ATXN1: variants seen among roughly 807,000 people sequenced by gnomAD.
ATXN1 encodes the protein ataxin-1.
In ATXN1, 8 loss-of-function variants were observed where a neutral mutation model predicts 56.4. The ratio of observed to expected loss-of-function variants is 0.14; its 90% CI spans 0.08 to 0.26. The LOEUF (loss-of-function observed/expected upper bound fraction) is 0.26. Among genes scored for constraint, ATXN1 ranks in the 10% least tolerant of loss-of-function variants. The pLI is 1.00. For synonymous variants in ATXN1, 514 were observed against 494.6 expected (o/e 1.04, Z -0.52); for missense variants, 987 against 1,106.5 (o/e 0.89, Z 1.53).
intron 2 of ATXN1, among the ~76,000 whole-genome samples, chr6:16,733,471 G>A (rs1255309360): frequency 2.0e-5 from 3 of 151,948 alleles, no homozygotes; most frequent in African/African-American, 7.2e-5. Context: ...GCTGAGGTAG[G>A]AGGATCACTT....
At chr6:16,414,920 A>T (rs1758871576) in intron 6 of ATXN1, among the ~76,000 whole-genome samples, 1 of 152,230 alleles carries the variant, frequency 6.6e-6, no homozygotes, top group Non-Finnish European at 1.5e-5. Context: ...TGTGTTCAGC[A>T]CAATGGACTA....
At position 16,496,283 on chromosome 6, in the gene ATXN1, T is replaced by C. The variant is rs549837884; in HGVS notation, c.-298-10174A>G. Among the ~76,000 whole-genome samples, 4 of 152,210 alleles carry C rather than the reference T, an allele frequency of 2.6e-5. No homozygotes were observed. In the South Asian group the frequency reaches 8.3e-4, roughly 31 times the overall value. On this transcript the variant is annotated intron_variant, in intron 5 of 7. Coordinates refer to ENST00000436367, the MANE Select transcript of ATXN1 (RefSeq NM_001128164.2). Reference sequence around the variant, plus strand: ...GGATTTCAATGGTCTTAACTGTGAATACCATGTAGCAGAAATGCCACTTGG... The same window carrying C: ...GGATTTCAATGGTCTTAACTGTGAACACCATGTAGCAGAAATGCCACTTGG...
intron 6 of ATXN1, among the ~76,000 whole-genome samples, chr6:16,352,874 G>C (rs964877053): frequency 6.6e-5 from 10 of 152,150 alleles, no homozygotes; most frequent in African/African-American, 1.9e-4. Context: ...GATTGTAACA[G>C]TATGCCAGCA....
chr6:16,484,945 A>T (rs1216118756), intron 6 of ATXN1, among the ~76,000 whole-genome samples: 2 of 118,382 alleles, frequency 1.7e-5, no homozygotes, highest in Admixed American at 1.9e-4. Flanking sequence ...ACCTAAATAT[A>T]TATGTGTGTG....
intron 6 of ATXN1, among the ~76,000 whole-genome samples, chr6:16,451,797 G>A (rs1281159829): frequency 3.3e-5 from 5 of 151,690 alleles, no homozygotes; most frequent in South Asian, 2.1e-4. Context: ...TGAAAGAAAC[G>A]TGGAGTTTGT....
intron 7 of ATXN1, among the ~76,000 whole-genome samples, chr6:16,313,536 AAAAC>A (rs1760446164): frequency 6.6e-6 from 1 of 152,164 alleles, no homozygotes; most frequent in African/African-American, 2.4e-5. Flanking sequence ...GATGCGTACT[AAAAC>A]AAGATGACGT....
chr6:16,427,474 A>G (rs1445303154), intron 6 of ATXN1, among the ~76,000 whole-genome samples: 1 of 152,220 alleles, frequency 6.6e-6, no homozygotes, highest in Non-Finnish European at 1.5e-5. Context: ...CATGAAGGTT[A>G]AATGCACTCA....
chr6:16,370,137 A>G (rs1762008924), intron 6 of ATXN1, among the ~76,000 whole-genome samples: 1 of 152,188 alleles, frequency 6.6e-6, no homozygotes, highest in Non-Finnish European at 1.5e-5. Context: ...GGTGGATATC[A>G]TGAATGTTAT....
Position 16,376,625 on chromosome 6 carries a change from C to T in ATXN1, c.-160-48155G>A, listed in dbSNP as rs117911460. On this transcript the variant is annotated intron_variant, in intron 6 of 7. Transcript: ENST00000436367. ...GCAGAGGCAAATTATGTCACCTTCC[C>T]GCTTTCCTTTTCATTTAAAATCTAC... Among the ~76,000 whole-genome samples the T allele has an allele frequency of 8.1e-4, 124 of 152,330 alleles. No homozygotes were observed. The East Asian group carries it at 0.022, about 27-fold the overall frequency.
At chr6:16,312,764 G>A (rs987284967) in intron 7 of ATXN1, among the ~76,000 whole-genome samples, 4 of 152,094 alleles carry the variant, frequency 2.6e-5, no homozygotes, top group African/African-American at 9.7e-5. Flanking sequence ...CCTCACTGGT[G>A]CCCAAATGTC....
intron 4 of ATXN1, among the ~76,000 whole-genome samples, chr6:16,553,880 G>A (rs947898383): frequency 1.3e-5 from 2 of 152,064 alleles, no homozygotes; most frequent in African/African-American, 4.8e-5. Flanking sequence ...GAGATCCAAG[G>A]GGCCTCAAAA....
chr6:16,306,416 G>C lies in ATXN1; in HGVS notation c.2361C>G (p.Asp787Glu), dbSNP rs1374957142. The C allele has an allele frequency of 6.2e-7, 1 of 1,614,040 alleles. No individual in the cohort carries two copies. The highest frequency in any genetic ancestry group is 1.3e-5 in the African/African-American group (1 of 74,912). Reference protein sequence around the residue: ...PESRKLEKSEDEPPLTLPKPS... With the variant: ...PESRKLEKSEEEPPLTLPKPS... ...GCTTAGGAAGAGTCAAAGGTGGTTCGTCTTCTGACTTCTCCAGTTTGCGGC... is the reference window on the plus strand; with the variant it reads ...GCTTAGGAAGAGTCAAAGGTGGTTCCTCTTCTGACTTCTCCAGTTTGCGGC... The change falls in exon 8 of 8, where the codon GAC becomes GAG. Residue 787 changes from aspartate (D) to glutamate (E), a missense_variant. Around this residue, in one of 3 missense-constraint regions of ATXN1, gnomAD observed 196 missense variants for 196.7 expected, o/e 1.00. Coordinates refer to ENST00000436367, the MANE Select transcript of ATXN1 (RefSeq NM_001128164.2). This position sits in a 1 kb window ranked among gnomAD's most constrained non-coding sequence, Gnocchi z 5.2.
chr6:16,349,728 C>T (rs376084899), intron 6 of ATXN1, among the ~76,000 whole-genome samples: 2 of 152,022 alleles, frequency 1.3e-5, no homozygotes, highest in Non-Finnish European at 2.9e-5. Context: ...AAATACTCCA[C>T]ACTAGTGCAC....
chr6:16,484,050 G>C (rs536829641), intron 6 of ATXN1, among the ~76,000 whole-genome samples: 1 of 151,988 alleles, frequency 6.6e-6, no homozygotes, highest in African/African-American at 2.4e-5. Context: ...TTACAATAAG[G>C]TTTTTTTTAA....
chr6:16,644,566 G>GTGTA (rs1257611729), intron 3 of ATXN1, among the ~76,000 whole-genome samples: 1 of 136,550 alleles, frequency 7.3e-6, no homozygotes, highest in East Asian at 2.0e-4. Flanking sequence ...ATTTTATGGT[G>GTGTA]TGTGTGTGTG....
chr6:16,507,138 A>G (rs1320041449), intron 5 of ATXN1, among the ~76,000 whole-genome samples: 1 of 152,244 alleles, frequency 6.6e-6, no homozygotes, highest in Non-Finnish European at 1.5e-5. Context: ...ATTTTTGGTT[A>G]GGAACTTTTA....
chr6:16,338,387 G>T (rs999260871), intron 6 of ATXN1, among the ~76,000 whole-genome samples: 1 of 152,164 alleles, frequency 6.6e-6, no homozygotes, highest in Non-Finnish European at 1.5e-5. Context: ...CAGCTACGAG[G>T]GAGGCTAAGG....
intron 5 of ATXN1, among the ~76,000 whole-genome samples, chr6:16,496,444 T>C (rs1213769824): frequency 6.6e-6 from 1 of 152,140 alleles, no homozygotes; most frequent in East Asian, 1.9e-4. Flanking sequence ...TTTGATACCA[T>C]ATTTGGAGCA....
intron 2 of ATXN1, among the ~76,000 whole-genome samples, chr6:16,726,931 G>A (rs773385784): frequency 3.3e-5 from 5 of 152,212 alleles, no homozygotes; most frequent in African/African-American, 4.8e-5. Flanking sequence ...AGGCCATATG[G>A]AGTACAATTA....
Sources: gnomAD v4.1 joint callset for allele counts (sites outside exome capture counted in the v4.1 genomes callset) on GRCh38, gnomAD v4.1.1 for gene constraint, gnomAD v4.1.1 regional missense constraint, Gnocchi (gnomAD v3.1) non-coding constraint, MANE v1.5 for transcripts, NCBI Gene and HGNC (gene_info 2026-07-23, HGNC 2026-07-21) for gene names.